NAV3: variants seen among roughly 807,000 people sequenced by gnomAD.
NAV3 encodes pore membrane and/or filament interacting like protein 1.
A neutral mutation model predicts 244.7 loss-of-function variants in NAV3; 87 were observed. The ratio of observed to expected loss-of-function variants is 0.36; its 90% CI spans 0.30 to 0.42. The LOEUF (loss-of-function observed/expected upper bound fraction) is 0.42. Among genes scored for constraint, NAV3 ranks in the 20% least tolerant of loss-of-function variants. The pLI, the probability that NAV3 is intolerant of heterozygous loss-of-function variation, is 1.00. For synonymous variants in NAV3, 1,126 were observed against 1,042.2 expected, an observed-to-expected ratio of 1.08 and a Z score of -1.55; for missense variants, 2,663 against 2,893.3, an observed-to-expected ratio of 0.92 and a Z score of 1.83.
intron 2 of NAV3, among the ~76,000 whole-genome samples, chr12:77,603,067 T>C (rs1870513157): frequency 6.6e-6 from 1 of 152,038 alleles, no homozygotes; most frequent in African/African-American, 2.4e-5. Flanking sequence ...TCTCTAGTCG[T>C]TCTTATTAAG....
chr12:77,744,723 C>G (rs570044811), intron 2 of NAV3, among the ~76,000 whole-genome samples: 1 of 151,396 alleles, frequency 6.6e-6, no homozygotes, highest in African/African-American at 2.4e-5. Flanking sequence ...CCGTAATGTT[C>G]TAGATAGGTT....
chr12:78,162,637 G>A (rs952560773), intron 23 of NAV3, among the ~76,000 whole-genome samples: 1 of 151,208 alleles, frequency 6.6e-6, no homozygotes, highest in African/African-American at 2.4e-5. Flanking sequence ...GCCAAGGCAG[G>A]TGGACTCCCT....
chr12:77,743,096 G>A (rs1868370352), intron 2 of NAV3, among the ~76,000 whole-genome samples: 1 of 151,918 alleles, frequency 6.6e-6, no homozygotes, highest in African/African-American at 2.4e-5. Context: ...TCAGACGGAT[G>A]ATTCATCTTG....
intron 1 of NAV3, among the ~76,000 whole-genome samples, chr12:77,879,557 C>T (rs1882336248): frequency 6.6e-6 from 1 of 151,726 alleles, no homozygotes; most frequent in African/African-American, 2.4e-5. Context: ...CACCTATAAT[C>T]CCAGCTACTC....
chr12:78,091,248 A>G (rs759503139), intron 12 of NAV3, among the ~76,000 whole-genome samples: 32 of 152,198 alleles, frequency 2.1e-4, no homozygotes, highest in African/African-American at 7.5e-4. Flanking sequence ...ATATAACAAT[A>G]GTAGTAACTT....
intron 3 of NAV3, among the ~76,000 whole-genome samples, chr12:77,945,841 G>A (rs139964885): frequency 2.1e-3 from 323 of 151,780 alleles, no homozygotes; most frequent in African/African-American, 7.4e-3. Flanking sequence ...TCCACCTCCC[G>A]AGTTCAAGCA....
chr12:77,875,184 C>A (rs1195586899), intron 1 of NAV3, among the ~76,000 whole-genome samples: 2 of 151,968 alleles, frequency 1.3e-5, no homozygotes, highest in Non-Finnish European at 2.9e-5. Flanking sequence ...AAACTTCCAG[C>A]AAGTTATAAA....
At chr12:78,129,751 CTTA>C (rs1316802532) in intron 18 of NAV3, among the ~76,000 whole-genome samples, 3 of 151,882 alleles carry the variant, frequency 2.0e-5, no homozygotes, top group Non-Finnish European at 4.4e-5. Flanking sequence ...GATACATAAT[CTTA>C]TTAGAGCCAG....
At chr12:77,619,898 CACAG>C (rs1428676931) in intron 2 of NAV3, among the ~76,000 whole-genome samples, 5 of 152,166 alleles carry the variant, frequency 3.3e-5, no homozygotes, top group South Asian at 2.1e-4. Flanking sequence ...CACACACACA[CACAG>C]ACAGTCTTTG....
rs2138574112 is a variant in NAV3 at position 78,118,236 on chromosome 12, G to A, written c.2979G>A (p.Met993Ile). 1 of 1,613,736 alleles carries A rather than the reference G, an allele frequency of 6.2e-7. No individual in the cohort carries two copies. Among genetic ancestry groups the A allele is most frequent in the Non-Finnish European group, 8.5e-7 (1 of 1,179,770 alleles). ...VSQTGSWRRG[M>I]SAQGGAPSRQ... is the part of the protein sequence containing the mutation. The stretch of plus-strand genomic sequence containing the variant: ...AGACAGGTTCCTGGAGAAGAGGCAT[G>A]TCTGCCCAAGGAGGGGCGCCATCTA... The change falls in exon 14 of 40, where the codon ATG becomes ATA. Residue 993 changes from methionine (M) to isoleucine (I), a missense_variant. By Grantham distance (10) the Met-to-Ile change is conservative. Around this residue, in one of 6 missense-constraint regions of NAV3, gnomAD observed 1,521 missense variants for 1,497.0 expected, o/e 1.02. Transcript: ENST00000397909.
chr12:77,761,584 AAAAC>A (rs1178698952), intron 2 of NAV3, among the ~76,000 whole-genome samples: 1 of 152,220 alleles, frequency 6.6e-6, no homozygotes, highest in African/African-American at 2.4e-5. Context: ...TTACAAGAAA[AAAAC>A]AAACAACCCC....
At chr12:78,038,052 A>T (rs1224487655) in intron 9 of NAV3, among the ~76,000 whole-genome samples, 1 of 152,194 alleles carries the variant, frequency 6.6e-6, no homozygotes, top group African/African-American at 2.4e-5. Flanking sequence ...TACTTTAGAA[A>T]CTAGGCCTTT....
At chr12:77,739,933 G>A (rs934515709) in intron 2 of NAV3, among the ~76,000 whole-genome samples, 7 of 151,992 alleles carry the variant, frequency 4.6e-5, no homozygotes, top group Non-Finnish European at 1.0e-4. Flanking sequence ...TAATTTTTTC[G>A]CTATAAATTT....
intron 12 of NAV3, among the ~76,000 whole-genome samples, chr12:78,100,603 A>C (rs1954490027): frequency 6.6e-6 from 1 of 152,022 alleles, no homozygotes. Context: ...TGTAGCACTA[A>C]AATGTTTTTA....
At chr12:78,050,198 T>A in intron 10 of NAV3, 97 bp downstream of exon 10, 1 of 837,674 alleles carries the variant, frequency 1.2e-6, no homozygotes, top group Middle Eastern at 2.9e-4. Context: ...GGGATTTCAG[T>A]TTCCCCTTAC....
At chr12:77,973,642 G>A (rs1396279098) in intron 5 of NAV3, among the ~76,000 whole-genome samples, 1 of 152,070 alleles carries the variant, frequency 6.6e-6, no homozygotes, top group African/African-American at 2.4e-5. Flanking sequence ...TGCCTTCCAG[G>A]GTATCTTTTC....
chr12:77,671,748 C>T (rs1024453338), intron 2 of NAV3, among the ~76,000 whole-genome samples: 6 of 152,016 alleles, frequency 3.9e-5, no homozygotes, highest in African/African-American at 7.2e-5. Context: ...TCAGCTTATA[C>T]AAAAATTGAC....
intron 5 of NAV3, among the ~76,000 whole-genome samples, chr12:77,976,063 T>C (rs532311892): frequency 6.6e-6 from 1 of 152,248 alleles, no homozygotes; most frequent in Admixed American, 6.5e-5. Flanking sequence ...GCTATAAAGG[T>C]GAGACTGTAC....
Position 77,831,206 on chromosome 12 carries a change from AG to A in NAV3, c.-255del. 2 of 303,132 alleles carry A rather than the reference AG, an allele frequency of 6.6e-6. No individual in the cohort carries two copies. 18.8% of individuals were successfully genotyped at this position (303,132 alleles called of 1,614,324 possible). On this transcript the variant is annotated 5_prime_UTR_variant, in exon 1 of 40. Transcript: ENST00000397909. ...GAGAGAGAGAGAGACAGAGAGAGAG[AG>A]AGAGAGAGAGAAAGAGAGAGAGAGA...
Sources: allele counts gnomAD v4.1 joint callset (sites outside exome capture counted in the v4.1 genomes callset), GRCh38; gene constraint gnomAD v4.1.1; regional missense constraint gnomAD v4.1.1; transcripts MANE v1.5; gene names NCBI Gene and HGNC (gene_info 2026-07-23, HGNC 2026-07-21).